PARD3B: variants seen among roughly 807,000 people sequenced by gnomAD.
PARD3B encodes partitioning defective 3 homolog B.
PARD3B carries 103 observed loss-of-function variants against 130.2 expected under a neutral mutation model. The observed-to-expected ratio is 0.79, with a 90% confidence interval of 0.67 to 0.93. PARD3B has a LOEUF of 0.93. PARD3B is among the 40% of genes least tolerant of loss of function. The pLI is 0.00. For synonymous variants in PARD3B, 583 were observed against 553.2 expected (o/e 1.05, Z -0.76); for missense variants, 1,609 against 1,499.2 (o/e 1.07, Z -1.21).
intron 2 of PARD3B, among the ~76,000 whole-genome samples, chr2:204,809,475 G>C (rs1274711913): frequency 6.6e-6 from 1 of 152,128 alleles, no homozygotes; most frequent in Non-Finnish European, 1.5e-5. Flanking sequence ...AAATGGTCCA[G>C]CTTGAATCTT....
intron 16 of PARD3B, among the ~76,000 whole-genome samples, chr2:205,254,722 G>A (rs1223118749): frequency 2.0e-5 from 3 of 149,692 alleles, no homozygotes; most frequent in Non-Finnish European, 3.0e-5. Flanking sequence ...GGAGTGCAGT[G>A]GCGCGATCTC....
intron 4 of PARD3B, among the ~76,000 whole-genome samples, chr2:205,072,619 G>C (rs1172290991): frequency 2.0e-5 from 3 of 152,082 alleles, no homozygotes; most frequent in Non-Finnish European, 4.4e-5. Context: ...CTATGGTACA[G>C]TATAATCTGG....
At chr2:205,077,939 T>A (rs1454775990) in intron 4 of PARD3B, among the ~76,000 whole-genome samples, 1 of 152,212 alleles carries the variant, frequency 6.6e-6, no homozygotes, top group Non-Finnish European at 1.5e-5. Context: ...GAACACATAA[T>A]CATTTCAATG....
At chr2:204,714,083 T>C (rs2038603525) in intron 2 of PARD3B, among the ~76,000 whole-genome samples, 1 of 152,208 alleles carries the variant, frequency 6.6e-6, no homozygotes, top group Non-Finnish European at 1.5e-5. Context: ...CCATAGGTCA[T>C]ACCTGTATCT....
In PARD3B at chr2:205,105,762, C is replaced by CCT. The variant is rs1285834399; in HGVS notation, c.593+1259_593+1260dup. Among the ~76,000 whole-genome samples, 2 of 150,448 alleles carry CCT rather than the reference C, an allele frequency of 1.3e-5. No homozygotes were observed. Among genetic ancestry groups the CCT allele is most frequent in the Admixed American group, 1.3e-4 (2 of 15,114 alleles). On this transcript the variant is annotated intron_variant, in intron 5 of 22. Coordinates refer to ENST00000406610, the MANE Select transcript of PARD3B (RefSeq NM_001302769.2). The surrounding 1 kb of genome is among the most constrained non-coding windows in gnomAD (Gnocchi z 4.0). ...AGTCCATCTTGCAACATAGGGAGACCCTCTCTCTCTCTGAAGAAAAAAAAA... is the reference window on the plus strand; with the variant it reads ...AGTCCATCTTGCAACATAGGGAGACCCTCTCTCTCTCTCTGAAGAAAAAAAAA...
At chr2:204,776,654 T>C (rs2041635462) in intron 2 of PARD3B, among the ~76,000 whole-genome samples, 1 of 151,894 alleles carries the variant, frequency 6.6e-6, no homozygotes, top group African/African-American at 2.4e-5. Flanking sequence ...ATAATAAAAC[T>C]TGCCTACCGT....
rs1305753410 is a variant in PARD3B, at chr2:205,473,707, T to TAC, written c.3045-26188_3045-26187insCA. Among the ~76,000 whole-genome samples, 32 of 114,696 alleles carry TAC rather than the reference T, an allele frequency of 2.8e-4. No individual in the cohort carries two copies. Among genetic ancestry groups the TAC allele is most frequent in the African/African-American group, 8.3e-4 (17 of 20,514 alleles). The allele number at this position is 114,696 out of a possible 152,430, so 75.2% of individuals were successfully genotyped here. A position where few individuals can be genotyped will look rare whatever the true frequency, so the allele number is the denominator to read the frequency against. ...ATGTATATATATATATATATATATA[T>TAC]ATACACACACACGTATATAAAACCC... On this transcript the variant is annotated intron_variant, in intron 20 of 22. Coordinates refer to ENST00000406610, the MANE Select transcript of PARD3B (RefSeq NM_001302769.2). The surrounding 1 kb of genome is among the most constrained non-coding windows in gnomAD (Gnocchi z 4.9).
chr2:204,645,638 A>G (rs536011000), intron 1 of PARD3B, among the ~76,000 whole-genome samples: 1 of 152,224 alleles, frequency 6.6e-6, no homozygotes, highest in South Asian at 2.1e-4. Flanking sequence ...TAGACTCATC[A>G]TAGTAGCCCA....
intron 1 of PARD3B, among the ~76,000 whole-genome samples, chr2:204,635,708 C>T (rs1205171543): frequency 1.3e-5 from 2 of 152,140 alleles, no homozygotes; most frequent in South Asian, 4.1e-4. Flanking sequence ...TCGGGCCTGG[C>T]TCTGCCAACT....
At position 205,300,485 on chromosome 2, in the gene PARD3B, C is replaced by T. The variant is rs904946641; in HGVS notation, c.2186-45C>T. 3 of 1,485,058 alleles carry T rather than the reference C, an allele frequency of 2.0e-6. No homozygotes were observed. Among genetic ancestry groups the T allele is most frequent in the Admixed American group, 1.7e-5 (1 of 59,726 alleles). 92.0% of individuals were successfully genotyped at this position (1,485,058 alleles called of 1,614,324 possible). ...CTTAGAACAATAGCATTACACCACA[C>T]TGCCCCATTAGAAGAGGGGTGACCT... On this transcript the variant is annotated intron_variant, in intron 16 of 22. Coordinates refer to ENST00000406610, the MANE Select transcript of PARD3B (RefSeq NM_001302769.2). The surrounding 1 kb of genome is among the most constrained non-coding windows in gnomAD (Gnocchi z 4.1).
At chr2:204,955,833 G>C (rs1690189340) in intron 2 of PARD3B, among the ~76,000 whole-genome samples, 1 of 152,170 alleles carries the variant, frequency 6.6e-6, no homozygotes, top group Non-Finnish European at 1.5e-5. Context: ...GTAGGGACAA[G>C]TATACCAAGG....
rs1229964270 is a variant in PARD3B at position 205,291,834 on chromosome 2, T to C, written c.2186-8696T>C. 6.6e-6 allele frequency among the ~76,000 whole-genome samples: 1 copy of C among 152,210 alleles called. No homozygotes were observed. Among genetic ancestry groups the C allele is most frequent in the African/African-American group, 2.4e-5 (1 of 41,462 alleles). On this transcript the variant is annotated intron_variant, in intron 16 of 22. Coordinates refer to ENST00000406610, the MANE Select transcript of PARD3B (RefSeq NM_001302769.2). This position sits in a 1 kb window ranked among gnomAD's most constrained non-coding sequence, Gnocchi z 4.6. ...ACTAAGGATGTGGTCAAACAACTGT[T>C]TGATAAGGAGATTAGTATGGATCAG...
chr2:204,706,413 A>G (rs577928468), intron 2 of PARD3B, among the ~76,000 whole-genome samples: 4 of 152,178 alleles, frequency 2.6e-5, no homozygotes, highest in South Asian at 2.1e-4. Flanking sequence ...GGAGAAATCC[A>G]TCCAGATTTG....
At position 205,074,858 on chromosome 2, in the gene PARD3B, C is replaced by T. The variant is rs543134660; in HGVS notation, c.504+27168C>T. ...CAATCTTCCAAGACTCCATATTTTC[C>T]TAGGTCATTTAGACAAATGTTATTC... is the stretch of plus-strand genomic sequence containing the variant. On this transcript the variant is annotated intron_variant, in intron 4 of 22. Transcript: ENST00000406610. Among the ~76,000 whole-genome samples the T allele has an allele frequency of 2.6e-5, 4 of 152,120 alleles. No homozygotes were observed. In the South Asian group the frequency reaches 6.2e-4, roughly 24 times the overall value.
intron 2 of PARD3B, among the ~76,000 whole-genome samples, chr2:204,920,629 T>C (rs2047638801): frequency 6.6e-6 from 1 of 152,214 alleles, no homozygotes; most frequent in Non-Finnish European, 1.5e-5. Context: ...CATTTTCTTT[T>C]CTCTTGCTTG....
In PARD3B at chr2:205,158,759, C is replaced by A. The variant is rs150239973; in HGVS notation, c.1472C>A (p.Thr491Lys). Residue 491 changes from threonine to lysine, a missense_variant, in exon 11 of 23, where the codon ACA becomes AAA. Transcript: ENST00000406610. The surrounding 1 kb of genome is among the most constrained non-coding windows in gnomAD (Gnocchi z 5.4). The stretch of plus-strand genomic sequence containing the variant: ...GACTGCTGTGCACTCTCTCTGGAGA[C>A]AAGCGAGCAGCTCACCTTTGAGATC... ...EPDCCALSLE[T>K]SEQLTFEIPL... The A allele has an allele frequency of 3.4e-3, 5,557 of 1,614,152 alleles. 28 individuals are homozygous for A. The highest frequency in any genetic ancestry group is 3.8e-3 in the Non-Finnish European group (4,430 of 1,179,994).
intron 3 of PARD3B, among the ~76,000 whole-genome samples, chr2:204,975,504 GAGACA>G (rs1218929440): frequency 6.6e-6 from 1 of 152,114 alleles, no homozygotes; most frequent in African/African-American, 2.4e-5. Context: ...GGTTAATATA[GAGACA>G]AGCCTTCTAC....
intron 13 of PARD3B, among the ~76,000 whole-genome samples, chr2:205,184,948 A>G (rs1170829960): frequency 2.0e-5 from 3 of 152,166 alleles, no homozygotes; most frequent in Non-Finnish European, 1.5e-5. Context: ...AAAACCATGC[A>G]CTTTACCACG....
rs1164295646 is a variant in PARD3B, at chr2:204,788,436, C to T, written c.222+102154C>T. ...ACTCTGTGGATAATTTTGTCATTCA[C>T]GTAGCAGAGTTCTTAATCAGACCTA... is the stretch of plus-strand genomic sequence containing the variant. On this transcript the variant is annotated intron_variant, in intron 2 of 22. Coordinates refer to ENST00000406610, the MANE Select transcript of PARD3B (RefSeq NM_001302769.2). 3.9e-5 allele frequency among the ~76,000 whole-genome samples: 6 copies of T among 152,174 alleles called. No individual in the cohort carries two copies. In the East Asian group the frequency reaches 9.6e-4, roughly 24 times the overall value.
Sources: gnomAD v4.1 joint callset for allele counts (sites outside exome capture counted in the v4.1 genomes callset) on GRCh38, gnomAD v4.1.1 for gene constraint, Gnocchi (gnomAD v3.1) non-coding constraint, MANE v1.5 for transcripts, NCBI Gene and HGNC (gene_info 2026-07-23, HGNC 2026-07-21) for gene names.